BCAR3: variants seen among roughly 807,000 people sequenced by gnomAD.
BCAR3 encodes the protein breast cancer anti-estrogen resistance protein 3.
A neutral mutation model predicts 80.1 loss-of-function variants in BCAR3; 37 were observed. The observed-to-expected ratio is 0.46, with a 90% CI of 0.36 to 0.61. The LOEUF is 0.61. BCAR3 is among the 20% of genes least tolerant of loss of function. The pLI, the probability that BCAR3 is intolerant of heterozygous loss-of-function variation, is 0.00. For synonymous variants in BCAR3, 389 were observed against 418.9 expected (o/e 0.93, Z 0.87); for missense variants, 978 against 1,068.2 (o/e 0.92, Z 1.18).
intron 3 of BCAR3, among the ~76,000 whole-genome samples, chr1:93,613,122 C>T (rs987585173): frequency 5.9e-5 from 9 of 152,216 alleles, no homozygotes; most frequent in African/African-American, 2.2e-4. Flanking sequence ...AAACGAGGTC[C>T]GCAGTCAGGC....
intron 3 of BCAR3, among the ~76,000 whole-genome samples, chr1:93,611,658 A>G (rs1030151825): frequency 4.6e-5 from 7 of 152,114 alleles, no homozygotes; most frequent in African/African-American, 7.2e-5. Context: ...CAAGGTCTTT[A>G]TACACAAGTC....
chr1:93,699,448 C>T (rs1649557435), intron 3 of BCAR3, among the ~76,000 whole-genome samples: 1 of 152,128 alleles, frequency 6.6e-6, no homozygotes, highest in African/African-American at 2.4e-5. Flanking sequence ...TCCCCAACCC[C>T]AACCTCGAGG....
At chr1:93,742,412 G>A (rs1199896378) in intron 2 of BCAR3, among the ~76,000 whole-genome samples, 1 of 152,228 alleles carries the variant, frequency 6.6e-6, no homozygotes, top group African/African-American at 2.4e-5. Flanking sequence ...TGACTCCTGA[G>A]TTGACTAGGT....
At chr1:93,790,430 G>A (rs1275497202) in intron 2 of BCAR3, among the ~76,000 whole-genome samples, 1 of 151,990 alleles carries the variant, frequency 6.6e-6, no homozygotes, top group Admixed American at 6.6e-5. Flanking sequence ...TTTCTGCTGG[G>A]AGTACAACTT....
intron 2 of BCAR3, among the ~76,000 whole-genome samples, chr1:93,751,839 C>T (rs531901779): frequency 2.0e-4 from 31 of 152,330 alleles, no homozygotes; most frequent in African/African-American, 7.5e-4. Flanking sequence ...GGGCTGCTGC[C>T]CTGGCAAGGC....
rs116089716 is a variant in BCAR3, at chr1:93,716,935, C to T, written c.-62-10793G>A. ...CGAGTGGTGAAGCTGTAGATGGGCT[C>T]GGTAGATACAGACTGAGGCCACAAC... On this transcript the variant is annotated intron_variant, in intron 2 of 13. Transcript: ENST00000370244. Among the ~76,000 whole-genome samples the T allele has an allele frequency of 4.4e-3, 673 of 152,252 alleles. 3 individuals are homozygous for T. Among genetic ancestry groups the T allele is most frequent in the African/African-American group, 0.016 (656 of 41,536 alleles).
At chr1:93,755,157 T>C (rs77770652) in intron 2 of BCAR3, among the ~76,000 whole-genome samples, 17,806 of 152,184 alleles carry the variant, frequency 0.12, 1,460 homozygotes, top group African/African-American at 0.22. Flanking sequence ...TATTTTTGCA[T>C]AGCTGTATAA....
At chr1:93,842,541 G>C (rs575428640) in intron 2 of BCAR3, among the ~76,000 whole-genome samples, 1 of 152,058 alleles carries the variant, frequency 6.6e-6, no homozygotes, top group African/African-American at 2.4e-5. Context: ...ACCCTCAGAC[G>C]GTTTTCTGAA....
intron 7 of BCAR3, among the ~76,000 whole-genome samples, chr1:93,581,132 A>T (rs997726171): frequency 5.3e-5 from 8 of 152,036 alleles, no homozygotes; most frequent in African/African-American, 1.9e-4. Flanking sequence ...TCTGCATTCC[A>T]GCCTGGGTGA....
chr1:93,652,652 A>AT (rs1043741435), intron 2 of BCAR3, among the ~76,000 whole-genome samples: 11 of 151,414 alleles, frequency 7.3e-5, no homozygotes, highest in Admixed American at 2.0e-4. Flanking sequence ...TTTTTTTATA[A>AT]TTTTTTTTGG....
chr1:93,740,261 A>T (rs1651131857), intron 2 of BCAR3, among the ~76,000 whole-genome samples: 1 of 152,202 alleles, frequency 6.6e-6, no homozygotes, highest in Admixed American at 6.5e-5. Context: ...GAAACTCAGC[A>T]TGTCCACAGA....
intron 3 of BCAR3, among the ~76,000 whole-genome samples, chr1:93,622,085 G>A (rs1044912768): frequency 2.0e-5 from 3 of 152,090 alleles, no homozygotes; most frequent in African/African-American, 7.2e-5. Context: ...ATTTTTAGTA[G>A]AGACACAGTT....
At chr1:93,827,609 A>T (rs576573897) in intron 2 of BCAR3, among the ~76,000 whole-genome samples, 85 of 152,256 alleles carry the variant, frequency 5.6e-4, no homozygotes, top group African/African-American at 2.0e-3. Context: ...AGGCTGAGTT[A>T]CTTACCCTAA....
At chr1:93,724,160 G>A (rs1010587638) in intron 2 of BCAR3, among the ~76,000 whole-genome samples, 1 of 152,170 alleles carries the variant, frequency 6.6e-6, no homozygotes, top group Non-Finnish European at 1.5e-5. Context: ...TGAAAACAAG[G>A]GGAGCCACAG....
At chr1:93,569,306 G>A (rs1673108702) in intron 9 of BCAR3, among the ~76,000 whole-genome samples, 1 of 152,224 alleles carries the variant, frequency 6.6e-6, no homozygotes, top group Non-Finnish European at 1.5e-5. Context: ...TTCCCAGCTG[G>A]TATGTGGTAG....
chr1:93,777,071 G>A (rs901259660), intron 2 of BCAR3, among the ~76,000 whole-genome samples: 12 of 152,182 alleles, frequency 7.9e-5, no homozygotes, highest in South Asian at 6.2e-4. Context: ...CATGGAGGCA[G>A]AGAAGGGAGT....
In BCAR3 at chr1:93,582,771, T is replaced by C; in HGVS notation, c.1216A>G (p.Lys406Glu). The C allele has an allele frequency of 6.2e-7, 1 of 1,614,040 alleles. No homozygotes were observed. The highest frequency in any genetic ancestry group is 1.1e-5 in the South Asian group (1 of 91,074). Reference sequence around the variant, plus strand: ...TTGAGGAACGGCACCTTGCAGGGCTTAGGCGGGGGCTTAGGGCACAGTTGA... The same window carrying C: ...TTGAGGAACGGCACCTTGCAGGGCTCAGGCGGGGGCTTAGGGCACAGTTGA... ...DSQLCPKPPP[K>E]PCKVPFLKVP... is the part of the protein sequence containing the mutation. Residue 406 changes from lysine (K) to glutamate (E), a missense_variant, in exon 7 of 12, where the codon AAG (lysine) becomes GAG (glutamate). Physicochemically the swap from Lys to Glu is moderately conservative, Grantham distance 56. Coordinates refer to ENST00000260502, the MANE Select transcript of BCAR3 (RefSeq NM_003567.4).
At chr1:93,827,840 A>G (rs12138816) in intron 2 of BCAR3, among the ~76,000 whole-genome samples, 19,734 of 152,066 alleles carry the variant, frequency 0.13, 1,953 homozygotes, top group African/African-American at 0.27. Flanking sequence ...ATACCCCAAA[A>G]TAAGACATTG....
chr1:93,823,510 TGAG>T lies in BCAR3; in HGVS notation c.-63+22054_-63+22056del, dbSNP rs773497759. 7.5e-5 allele frequency among the ~76,000 whole-genome samples: 10 copies of T among 132,616 alleles called. 2 individuals carry two copies. Among genetic ancestry groups the T allele is most frequent in the Non-Finnish European group, 1.7e-4 (10 of 58,862 alleles). The allele number at this position is 132,616 out of a possible 152,430, so 87.0% of individuals were successfully genotyped here. A position where few individuals can be genotyped will look rare whatever the true frequency, so the allele number is the denominator to read the frequency against. On this transcript the variant is annotated intron_variant, in intron 2 of 13. Transcript: ENST00000370244. ...AAGGGATTATTGACTATTTTGGAAATGAGGAGAGGAAAAATGCATAAAAATATT... is the reference window on the plus strand; with the variant it reads ...AAGGGATTATTGACTATTTTGGAAATGAGAGGAAAAATGCATAAAAATATT...
Sources: gnomAD v4.1 joint callset for allele counts (sites outside exome capture counted in the v4.1 genomes callset) on GRCh38, gnomAD v4.1.1 for gene constraint, MANE v1.5 for transcripts, NCBI Gene and HGNC (gene_info 2026-07-23, HGNC 2026-07-21) for gene names.